The following VWF variants were observed in gnomAD, a reference collection of about 807,000 sequenced individuals.
VWF encodes the protein von Willebrand factor.
In VWF, 176 loss-of-function variants were observed where a neutral mutation model predicts 308.6. The ratio of observed to expected loss-of-function variants is 0.57; its 90% CI spans 0.50 to 0.65. The LOEUF is 0.65. Among genes scored for constraint, VWF ranks in the 30% least tolerant of loss-of-function variants. VWF has a pLI of 0.00. For missense variants in VWF, 3,146 were observed against 3,648.2 expected (o/e 0.86, Z 3.55); for synonymous variants, 1,385 against 1,443.4 (o/e 0.96, Z 0.92).
chr12:6,088,395 C>T (rs1220243745), intron 6 of VWF, among the ~76,000 whole-genome samples: 3 of 150,658 alleles, frequency 2.0e-5, no homozygotes, highest in Non-Finnish European at 4.4e-5. Context: ...GGGAGAATGG[C>T]GTGAACCCGG....
At chr12:6,121,669 G>A (rs540695515) in intron 2 of VWF, among the ~76,000 whole-genome samples, 1 of 152,306 alleles carries the variant, frequency 6.6e-6, no homozygotes, top group South Asian at 2.1e-4. Flanking sequence ...AGTGGCTCAC[G>A]CCTATAATCC....
intron 34 of VWF, among the ~76,000 whole-genome samples, chr12:6,008,787 G>A (rs537911739): frequency 6.6e-6 from 1 of 152,162 alleles, no homozygotes; most frequent in Non-Finnish European, 1.5e-5. Context: ...CCAAAAATTT[G>A]TTAGCAAATT....
rs1565397912 is a variant in VWF, at chr12:6,123,298, A to G, written c.1-102T>C. ...TGCAGTAGCAAAAACATTTCTTTAA[A>G]GCAGGAGAAAAGATTGATCCTCGTG... is the stretch of plus-strand genomic sequence containing the variant. On this transcript the variant is annotated intron_variant, in intron 1 of 51. Transcript: ENST00000261405. 3 of 1,372,222 alleles carry G rather than the reference A, an allele frequency of 2.2e-6. No homozygotes were observed. In the East Asian group the frequency reaches 6.9e-5, roughly 32 times the overall value. The allele number at this position is 1,372,222 out of a possible 1,614,324, so 85.0% of individuals were successfully genotyped here. A position where few individuals can be genotyped will look rare whatever the true frequency, so the allele number is the denominator to read the frequency against.
intron 6 of VWF, among the ~76,000 whole-genome samples, chr12:6,088,546 A>G (rs1944998324): frequency 6.6e-6 from 1 of 151,674 alleles, no homozygotes; most frequent in East Asian, 1.9e-4. Flanking sequence ...AAAGCATGCT[A>G]TGAGCTGGAT....
chr12:6,098,624 C>G (rs565532847), intron 5 of VWF, among the ~76,000 whole-genome samples: 13 of 151,780 alleles, frequency 8.6e-5, no homozygotes, highest in Admixed American at 7.2e-4. Flanking sequence ...TAAAAATAAA[C>G]AAAAATTAGC....
rs563135295 is a variant in VWF at position 6,000,763 on chromosome 12, G to C, written c.5843-4541C>G. On this transcript the variant is annotated intron_variant, in intron 34 of 51. Transcript: ENST00000261405. ...GGAGGCGGAGCTTGCAGTGAGCCGA[G>C]ATCGCGCCTCTGCACTCCAGCCTGA... Among the ~76,000 whole-genome samples the C allele has an allele frequency of 4.9e-4, 66 of 135,818 alleles. No individual in the cohort carries two copies. The South Asian group carries it at 0.015, about 31-fold the overall frequency. 89.1% of individuals were successfully genotyped at this position (135,818 alleles called of 152,430 possible).
rs186255973 is a variant in VWF, at chr12:6,070,556, A to G, written c.1156+741T>C. On this transcript the variant is annotated intron_variant, in intron 10 of 51. Transcript: ENST00000261405. Reference sequence around the variant, plus strand: ...TCTAGGTCTGTTTCTGCTTTCCTAAAATGAGAATAAATTGCACCTGCCTCA... The same window carrying G: ...TCTAGGTCTGTTTCTGCTTTCCTAAGATGAGAATAAATTGCACCTGCCTCA... Among the ~76,000 whole-genome samples the G allele has an allele frequency of 5.9e-5, 9 of 152,288 alleles. No individual in the cohort carries two copies. The East Asian group carries it at 1.2e-3, about 20-fold the overall frequency.
Position 6,046,048 on chromosome 12 carries a change from C to G in VWF, c.2281+675G>C, listed in dbSNP as rs527314305. The stretch of plus-strand genomic sequence containing the variant: ...GACCAGCCTGGCCAACATGGCAAAA[C>G]CCCGTCTCTACTAAAAATACAAAAA... On this transcript the variant is annotated intron_variant, in intron 17 of 51. Transcript: ENST00000261405. This position sits in a 1 kb window ranked among gnomAD's most constrained non-coding sequence, Gnocchi z 5.0. Among the ~76,000 whole-genome samples, 42 of 152,216 alleles carry G rather than the reference C, an allele frequency of 2.8e-4. No homozygotes were observed. The highest frequency in any genetic ancestry group is 8.7e-4 in the African/African-American group (36 of 41,550).
chr12:6,065,215 G>C lies in VWF; in HGVS notation c.1215C>G (p.Thr405=), dbSNP rs1944699894. 2 of 1,614,048 alleles carry C rather than the reference G, an allele frequency of 1.2e-6. No homozygotes were observed. Among genetic ancestry groups the C allele is most frequent in the Admixed American group, 1.7e-5 (1 of 60,000 alleles). ...GCAGGTACTGGCAGATCCCACTGAAGGTGAAGTATCTGTTGTCAAAGCTCT... is the reference window on the plus strand; with the variant it reads ...GCAGGTACTGGCAGATCCCACTGAACGTGAAGTATCTGTTGTCAAAGCTCT... ...HFKSFDNRYF[T]FSGICQYLLA... The change falls in exon 11 of 52, where the codon ACC becomes ACG. Residue 405 remains threonine, a synonymous_variant. Coordinates refer to ENST00000261405, the MANE Select transcript of VWF (RefSeq NM_000552.5).
Position 6,016,559 on chromosome 12 carries a change from G to A in VWF, c.5268C>T (p.Ser1756=), listed in dbSNP as rs1944060183. The A allele has an allele frequency of 1.2e-6, 2 of 1,614,044 alleles. No homozygotes were observed. Among genetic ancestry groups the A allele is most frequent in the Non-Finnish European group, 1.7e-6 (2 of 1,180,046 alleles). ...CCTCCCGCTGCATGACGTCCACAAG[G>A]CTCAGCAAATGGGCTTTCTCCGGGA... is the stretch of plus-strand genomic sequence containing the variant. The part of the protein sequence containing the change: ...NVVPEKAHLL[S]LVDVMQREGG... The change falls in exon 30 of 52, where the codon AGC becomes AGT. Residue 1756 remains serine, a synonymous_variant. Transcript: ENST00000261405.
In VWF at chr12:6,071,336, G is replaced by A. The variant is rs62643625; in HGVS notation, c.1117C>T (p.Arg373Ter). ...LSRDCNTCIC[R>*]NSQWICSNEE... ...TTGCTGCAGATCCACTGGCTGTTTC[G>A]GCAAATGCTGTTGGAGGGAAAAAGC... Residue 373 changes from arginine to a stop codon, truncating the protein, a stop_gained, in exon 10 of 52, where the codon CGA becomes TGA. Transcript: ENST00000261405. LOFTEE classifies it high-confidence loss of function. 13 of 1,614,004 alleles carry A rather than the reference G, an allele frequency of 8.1e-6. No homozygotes were observed. In the South Asian group the frequency reaches 8.8e-5, roughly 11 times the overall value.
At chr12:6,006,805 A>C (rs937706959) in intron 34 of VWF, among the ~76,000 whole-genome samples, 8 of 152,164 alleles carry the variant, frequency 5.3e-5, no homozygotes, top group African/African-American at 1.9e-4. Flanking sequence ...AAATAAATAA[A>C]ATATAAAACA....
chr12:6,049,906 T>C (rs963081159), intron 16 of VWF, among the ~76,000 whole-genome samples: 2 of 152,156 alleles, frequency 1.3e-5, no homozygotes, highest in East Asian at 3.9e-4. Context: ...GCAATCCTCT[T>C]TTTCTTCCTC....
intron 47 of VWF, among the ~76,000 whole-genome samples, chr12:5,964,556 T>A (rs1943376793): frequency 6.6e-6 from 1 of 152,116 alleles, no homozygotes; most frequent in African/African-American, 2.4e-5. Flanking sequence ...TTCATTGGGG[T>A]CCTGAGGCTT....
intron 5 of VWF, among the ~76,000 whole-genome samples, chr12:6,108,334 T>TATATATATACACACAC (rs374693235): frequency 8.1e-6 from 1 of 124,158 alleles, no homozygotes; most frequent in South Asian, 2.7e-4. Flanking sequence ...AAGAAATATA[T>TATATATATACACACAC]ACACACACAC....
At chr12:6,121,125 C>A in intron 3 of VWF, 49 bp downstream of exon 3, 1 of 1,611,598 alleles carries the variant, frequency 6.2e-7, no homozygotes, top group South Asian at 1.1e-5. Context: ...CAGGGCTAAG[C>A]TCAGCCAGCC....
chr12:6,052,695 T>C lies in VWF; in HGVS notation c.2034A>G (p.Glu678=). The C allele has an allele frequency of 1.2e-6, 2 of 1,614,210 alleles. No individual in the cohort carries two copies. The highest frequency in any genetic ancestry group is 2.2e-5 in the South Asian group (2 of 91,086). The change falls in exon 16 of 52, where the codon GAA becomes GAG. Residue 678 remains glutamate, a synonymous_variant. Transcript: ENST00000261405. ...AGCCCTCCAGGCAGGCCTCATTGCA[T>C]TCCTCATCCGGGTAAGAGAGAGAGC... ...TCRSLSYPDE[E]CNEACLEGCF...
At chr12:6,071,232 AAG>A in intron 10 of VWF, 63 bp downstream of exon 10, 1 of 1,585,198 alleles carries the variant, frequency 6.3e-7, no homozygotes, top group Non-Finnish European at 8.7e-7. Context: ...CCTGTCTGGT[AAG>A]AGAGGAGGAG....
chr12:5,984,875 A>G (rs1025649602), intron 40 of VWF, among the ~76,000 whole-genome samples, 170 bp downstream of exon 40: 3 of 152,246 alleles, frequency 2.0e-5, no homozygotes, highest in Non-Finnish European at 4.4e-5. Context: ...AGCAAATCCT[A>G]TTCTCCAGAG....
Sources: gnomAD v4.1 joint callset for allele counts (sites outside exome capture counted in the v4.1 genomes callset) on GRCh38, gnomAD v4.1.1 for gene constraint, Gnocchi (gnomAD v3.1) non-coding constraint, MANE v1.5 for transcripts, NCBI Gene and HGNC (gene_info 2026-07-23, HGNC 2026-07-21) for gene names.